The following KANK1 variants were observed in gnomAD, a reference collection of about 807,000 sequenced individuals.
KANK1 encodes KN motif and ankyrin repeat domains 1, also known as KN motif and ankyrin repeat domain-containing protein 1.
Under a neutral mutation model 106.2 loss-of-function variants are expected in KANK1, and 109 were observed. The ratio of observed to expected loss-of-function variants is 1.03; its 90% confidence interval spans 0.88 to 1.20. KANK1 has a LOEUF of 1.20. KANK1 is among the 50% of genes most tolerant of loss of function. The probability of loss-of-function intolerance (pLI) is 0.00; values close to 1 mark genes in which losing one functional copy is unlikely to be tolerated. For synonymous variants in KANK1, 873 were observed against 652.2 expected, an observed-to-expected ratio of 1.34 and a Z score of -5.16; for missense variants, 2,399 against 1,710.7, an observed-to-expected ratio of 1.40 and a Z score of -7.10.
Position 667,976 on chromosome 9 carries a change from C to T in KANK1, c.-83-8914C>T, listed in dbSNP as rs868273412. ...GAACTCCTGACATCAGATGATCCAC[C>T]CACCTCAGCCTCCCAAAGTACTGGG... On this transcript the variant is annotated intron_variant, in intron 1 of 11. Coordinates refer to ENST00000382297, the MANE Select transcript of KANK1 (RefSeq NM_015158.5). Among the ~76,000 whole-genome samples, 4 of 152,236 alleles carry T rather than the reference C, an allele frequency of 2.6e-5. No homozygotes were observed. The East Asian group carries it at 5.8e-4, about 22-fold the overall frequency.
intron 1 of KANK1, among the ~76,000 whole-genome samples, chr9:513,222 A>T (rs10974932): frequency 0.16 from 24,635 of 152,132 alleles, 3,607 homozygotes; most frequent in African/African-American, 0.39. Flanking sequence ...CCCTACACTT[A>T]GCATTTAAAT....
chr9:536,750 G>C (rs2060321818), intron 1 of KANK1, among the ~76,000 whole-genome samples: 1 of 152,192 alleles, frequency 6.6e-6, no homozygotes, highest in Admixed American at 6.5e-5. Context: ...CTTTTGCCAT[G>C]AATGTAACAT....
At chr9:559,881 C>A (rs1371330315) in intron 1 of KANK1, among the ~76,000 whole-genome samples, 1 of 152,196 alleles carries the variant, frequency 6.6e-6, no homozygotes, top group Non-Finnish European at 1.5e-5. Flanking sequence ...ACATACTCTT[C>A]CTTCTGCTGG....
At chr9:552,112 G>A (rs572769813) in intron 1 of KANK1, among the ~76,000 whole-genome samples, 23 of 152,180 alleles carry the variant, frequency 1.5e-4, no homozygotes, top group Admixed American at 1.4e-3. Flanking sequence ...AGGCAAGTAC[G>A]GCATTCTTGA....
intron 1 of KANK1, among the ~76,000 whole-genome samples, chr9:665,741 C>A (rs1030716174): frequency 1.3e-5 from 2 of 152,120 alleles, no homozygotes; most frequent in Non-Finnish European, 2.9e-5. Context: ...CAGTAAACTG[C>A]TTTGGGTAGG....
At chr9:731,342 G>A (rs1327616775) in intron 5 of KANK1, 76 bp downstream of exon 5, 12 of 829,214 alleles carry the variant, frequency 1.4e-5, no homozygotes, top group East Asian at 5.5e-5. Context: ...ATTTCAAGGC[G>A]CCTAGTCGGG....
intron 2 of KANK1, chr9:693,272 A>G (rs1396653953): frequency 5.4e-6 from 3 of 557,142 alleles, no homozygotes; most frequent in Non-Finnish European, 6.8e-6. Context: ...GTTCAGCATA[A>G]AACTCAATCA....
At chr9:516,191 C>A (rs550345685) in intron 1 of KANK1, among the ~76,000 whole-genome samples, 1 of 151,670 alleles carries the variant, frequency 6.6e-6, no homozygotes, top group East Asian at 1.9e-4. Context: ...GTCAGATTAT[C>A]TAAAGGGTTT....
intron 3 of KANK1, among the ~76,000 whole-genome samples, chr9:725,603 A>G (rs57424346): frequency 0.075 from 11,411 of 152,104 alleles, 999 homozygotes; most frequent in African/African-American, 0.2. Flanking sequence ...CAGTCAAAGT[A>G]GACCACCTGC....
intron 1 of KANK1, among the ~76,000 whole-genome samples, chr9:641,284 G>C (rs1406435256): frequency 6.6e-6 from 1 of 152,174 alleles, no homozygotes; most frequent in Non-Finnish European, 1.5e-5. Context: ...TGTATAATCT[G>C]TCTTTATCAG....
chr9:578,710 C>G (rs879611023), intron 1 of KANK1, among the ~76,000 whole-genome samples: 3 of 152,152 alleles, frequency 2.0e-5, no homozygotes, highest in Non-Finnish European at 4.4e-5. Context: ...CTAAGTTGGA[C>G]TCTTCTTTAC....
chr9:700,195 G>C (rs1822304205), intron 2 of KANK1, among the ~76,000 whole-genome samples: 1 of 152,174 alleles, frequency 6.6e-6, no homozygotes, highest in Admixed American at 6.5e-5. Context: ...CAACTCTTTG[G>C]TAAATGCAAG....
At chr9:725,829 A>C (rs1303651956) in intron 3 of KANK1, among the ~76,000 whole-genome samples, 2 of 152,178 alleles carry the variant, frequency 1.3e-5, no homozygotes, top group Non-Finnish European at 2.9e-5. Flanking sequence ...ATCAACACTT[A>C]AGCTGCTTTT....
chr9:489,442 T>C (rs1241930941), intron 3 of KANK1, among the ~76,000 whole-genome samples: 1 of 152,210 alleles, frequency 6.6e-6, no homozygotes, highest in African/African-American at 2.4e-5. Flanking sequence ...TTTTTTAGTG[T>C]AAGTATAGGT....
chr9:728,524 T>C (rs982956331), intron 3 of KANK1, among the ~76,000 whole-genome samples: 1 of 152,216 alleles, frequency 6.6e-6, no homozygotes, highest in African/African-American at 2.4e-5. Flanking sequence ...GAAATGGCCC[T>C]GCAAGGCTGT....
chr9:661,897 G>T (rs71488150), intron 1 of KANK1, among the ~76,000 whole-genome samples: 126,959 of 151,526 alleles, frequency 0.84, 53,322 homozygotes, highest in East Asian at 0.97. Flanking sequence ...ATTTTTTCAT[G>T]TGTCTGTTGG....
intron 1 of KANK1, among the ~76,000 whole-genome samples, chr9:592,558 G>A (rs990843658): frequency 1.3e-5 from 2 of 151,666 alleles, no homozygotes; most frequent in South Asian, 2.1e-4. Flanking sequence ...AGAATCTGCC[G>A]GTCAGACCTG....
At chr9:680,668 A>G (rs971707953) in intron 2 of KANK1, among the ~76,000 whole-genome samples, 2 of 152,184 alleles carry the variant, frequency 1.3e-5, no homozygotes, top group Non-Finnish European at 2.9e-5. Context: ...TTCTAGGGAC[A>G]GTTAAAGTCT....
intron 1 of KANK1, among the ~76,000 whole-genome samples, chr9:634,486 C>G (rs777232005): frequency 6.6e-6 from 1 of 152,136 alleles, no homozygotes; most frequent in African/African-American, 2.4e-5. Flanking sequence ...AAGTCACAAA[C>G]CTTGCAACCT....
Sources: gnomAD v4.1 joint callset for allele counts (sites outside exome capture counted in the v4.1 genomes callset) on GRCh38, gnomAD v4.1.1 for gene constraint, MANE v1.5 for transcripts, NCBI Gene and HGNC (gene_info 2026-07-23, HGNC 2026-07-21) for gene names.